The following CAMKK2 variants were observed in gnomAD, a reference collection of about 807,000 sequenced individuals.
The protein encoded by CAMKK2 is calcium/calmodulin-dependent protein kinase kinase 2.
A neutral mutation model predicts 67.2 loss-of-function variants in CAMKK2; 30 were observed. The ratio of observed to expected loss-of-function variants is 0.45; its 90% CI spans 0.33 to 0.61. The LOEUF (loss-of-function observed/expected upper bound fraction) is 0.61, where lower values mean the gene tolerates loss of function less well. Among genes scored for constraint, CAMKK2 ranks in the 20% least tolerant of loss-of-function variants. The pLI, the probability that CAMKK2 is intolerant of heterozygous loss-of-function variation, is 0.02. For missense variants in CAMKK2, 643 were observed against 802.0 expected, an observed-to-expected ratio of 0.80 and a Z score of 2.39; for synonymous variants, 322 against 326.2, an observed-to-expected ratio of 0.99 and a Z score of 0.14.
At chr12:121,277,430 A>T (rs562315729) in intron 1 of CAMKK2, among the ~76,000 whole-genome samples, 1 of 152,236 alleles carries the variant, frequency 6.6e-6, no homozygotes, top group Non-Finnish European at 1.5e-5. Flanking sequence ...ATACTTGTAC[A>T]CTAATGTTCA....
In CAMKK2 at chr12:121,252,638, GGACA is replaced by G; in HGVS notation, c.1161+19_1161+22del. ...CAGGGGCCACCCAGCAGTACTGAGG[GGACA>G]GACACCCCGCCCTCTTACCTGGCCA... On this transcript the variant is annotated intron_variant, in intron 11 of 16. Coordinates refer to ENST00000404169, the MANE Select transcript of CAMKK2 (RefSeq NM_001270485.2). The G allele has an allele frequency of 6.2e-7, 1 of 1,612,248 alleles. No homozygotes were observed. Among genetic ancestry groups the G allele is most frequent in the East Asian group, 2.2e-5 (1 of 44,864 alleles).
At chr12:121,295,470 C>T (rs1900949971) in intron 1 of CAMKK2, among the ~76,000 whole-genome samples, 1 of 152,158 alleles carries the variant, frequency 6.6e-6, no homozygotes, top group Non-Finnish European at 1.5e-5. Flanking sequence ...CCAAAGCCCT[C>T]CCCTTGTTGC....
At chr12:121,261,403 C>T (rs1179086229) in intron 6 of CAMKK2, among the ~76,000 whole-genome samples, 1 of 152,102 alleles carries the variant, frequency 6.6e-6, no homozygotes, top group African/African-American at 2.4e-5. Flanking sequence ...TTAGTGTGAC[C>T]GGTGGTGATG....
chr12:121,243,792 G>GTGAAT (rs1417887090), intron 16 of CAMKK2: 19 of 988,372 alleles, frequency 1.9e-5, no homozygotes, highest in Non-Finnish European at 2.5e-5. Flanking sequence ...CTTCCCGTGG[G>GTGAAT]TGAATTACAT....
chr12:121,244,212 C>T (rs1036797890), intron 16 of CAMKK2: 8 of 1,480,810 alleles, frequency 5.4e-6, no homozygotes, highest in African/African-American at 1.4e-5. Flanking sequence ...GACCTATGTG[C>T]TGACCATGCG....
At chr12:121,272,166 C>G (rs763516262) in intron 2 of CAMKK2, among the ~76,000 whole-genome samples, 6 of 152,202 alleles carry the variant, frequency 3.9e-5, no homozygotes, top group South Asian at 2.1e-4. Context: ...CAAACATCTA[C>G]CGTACCACAG....
At chr12:121,294,881 T>C (rs1900815603) in intron 1 of CAMKK2, among the ~76,000 whole-genome samples, 1 of 152,146 alleles carries the variant, frequency 6.6e-6, no homozygotes. Context: ...TTATTATTAT[T>C]ATTGTCCAGG....
At chr12:121,281,792 C>T (rs1033671976) in intron 1 of CAMKK2, among the ~76,000 whole-genome samples, 8 of 152,106 alleles carry the variant, frequency 5.3e-5, no homozygotes, top group African/African-American at 1.9e-4. Flanking sequence ...ACTAAAAATA[C>T]AAAAATAGCC....
At chr12:121,256,236 G>A (rs912248334) in intron 7 of CAMKK2, among the ~76,000 whole-genome samples, 4 of 152,098 alleles carry the variant, frequency 2.6e-5, no homozygotes, top group Admixed American at 6.5e-5. Flanking sequence ...AAAATCAGCC[G>A]GGCGTGGTGG....
At chr12:121,279,960 A>C (rs1007432586) in intron 1 of CAMKK2, among the ~76,000 whole-genome samples, 1 of 152,252 alleles carries the variant, frequency 6.6e-6, no homozygotes, top group African/African-American at 2.4e-5. Flanking sequence ...TGGGTGCCAA[A>C]GAGGTGCTCC....
At chr12:121,271,001 C>T in intron 2 of CAMKK2, 56 bp from the exon 3 acceptor site, 1 of 1,445,994 alleles carries the variant, frequency 6.9e-7, no homozygotes, top group Non-Finnish European at 9.7e-7. Flanking sequence ...AACTAGAGGC[C>T]AGGCACGGTG....
At chr12:121,287,969 C>G (rs1899099843) in intron 1 of CAMKK2, among the ~76,000 whole-genome samples, 1 of 152,096 alleles carries the variant, frequency 6.6e-6, no homozygotes, top group Non-Finnish European at 1.5e-5. Context: ...AAGGCTCTGT[C>G]TCGAAAATTT....
In CAMKK2 at chr12:121,239,313, TC is replaced by T. The variant is rs1887978742; in HGVS notation, c.*1385del. On this transcript the variant is annotated 3_prime_UTR_variant, in exon 17 of 17. Transcript: ENST00000404169. ...GCTTTCCTCCCCCTCAACTTCACACTCCCCTACCTGTGGCTCTGGAAGGAGT... is the reference window on the plus strand; with the variant it reads ...GCTTTCCTCCCCCTCAACTTCACACTCCCTACCTGTGGCTCTGGAAGGAGT... The T allele has an allele frequency of 6.6e-6, 1 of 152,106 alleles. No homozygotes were observed. Among genetic ancestry groups the T allele is most frequent in the Admixed American group, 6.5e-5 (1 of 15,268 alleles). The allele number at this position is 152,106 out of a possible 1,614,324, so 9.4% of individuals were successfully genotyped here. A position where few individuals can be genotyped will look rare whatever the true frequency, so the allele number is the denominator to read the frequency against.
chr12:121,265,319 G>C lies in CAMKK2; in HGVS notation c.626-1380C>G, dbSNP rs144478109. Among the ~76,000 whole-genome samples the C allele has an allele frequency of 2.6e-5, 4 of 152,092 alleles. No individual in the cohort carries two copies. The South Asian group carries it at 6.2e-4, about 24-fold the overall frequency. On this transcript the variant is annotated intron_variant, in intron 5 of 16. Transcript: ENST00000404169. Reference sequence around the variant, plus strand: ...GTCCAAAGGAAAAGGGAGGGTGTGGGGAGGTGGGAGACACGCGTCATATAG... The same window carrying C: ...GTCCAAAGGAAAAGGGAGGGTGTGGCGAGGTGGGAGACACGCGTCATATAG...
intron 6 of CAMKK2, 54 bp downstream of exon 6, chr12:121,263,752 G>T: frequency 6.5e-7 from 1 of 1,527,818 alleles, no homozygotes; most frequent in South Asian, 1.2e-5. Flanking sequence ...CGGGGTGTTT[G>T]GGTATTAACA....
Position 121,240,179 on chromosome 12 carries a change from G to A in CAMKK2, c.*520C>T. 1 of 486,934 alleles carries A rather than the reference G, an allele frequency of 2.1e-6. No homozygotes were observed. Among genetic ancestry groups the A allele is most frequent in the Non-Finnish European group, 3.6e-6 (1 of 277,070 alleles). The allele number at this position is 486,934 out of a possible 1,614,324, so 30.2% of individuals were successfully genotyped here. ...TCAAAGCTCCCTGCAGCTACTGAGG[G>A]CCAGCCCTGCTCTGACTCCTTGAGA... is the stretch of plus-strand genomic sequence containing the variant. On this transcript the variant is annotated 3_prime_UTR_variant, in exon 17 of 17. Coordinates refer to ENST00000404169, the MANE Select transcript of CAMKK2 (RefSeq NM_001270485.2). This position sits in a 1 kb window ranked among gnomAD's most constrained non-coding sequence, Gnocchi z 4.4.
At chr12:121,276,897 C>CGG (rs1462987225) in intron 1 of CAMKK2, among the ~76,000 whole-genome samples, 6 of 31,764 alleles carry the variant, frequency 1.9e-4, no homozygotes, top group African/African-American at 4.8e-4. Context: ...AAAAAAAGGG[C>CGG]GGGGTGGGGG....
At chr12:121,264,942 G>C (rs1363258723) in intron 5 of CAMKK2, among the ~76,000 whole-genome samples, 2 of 151,540 alleles carry the variant, frequency 1.3e-5, no homozygotes, top group Non-Finnish European at 2.9e-5. Context: ...ACTGCACTCA[G>C]CCTGGGTGAC....
intron 16 of CAMKK2, among the ~76,000 whole-genome samples, chr12:121,243,385 T>C (rs1258530271): frequency 1.3e-5 from 2 of 151,648 alleles, no homozygotes; most frequent in Non-Finnish European, 2.9e-5. Flanking sequence ...TGTACACAAA[T>C]GTTCATAGCA....
Sources: gnomAD v4.1 joint callset for allele counts (sites outside exome capture counted in the v4.1 genomes callset) on GRCh38, gnomAD v4.1.1 for gene constraint, Gnocchi (gnomAD v3.1) non-coding constraint, MANE v1.5 for transcripts, NCBI Gene and HGNC (gene_info 2026-07-23, HGNC 2026-07-21) for gene names.